MGAT3: variants seen among roughly 807,000 people sequenced by gnomAD.
MGAT3 encodes beta-1,4-mannosyl-glycoprotein 4-beta-N-acetylglucosaminyltransferase.
In MGAT3, 9 loss-of-function variants were observed where a neutral mutation model predicts 29.8. The ratio of observed to expected loss-of-function variants is 0.30; its 90% confidence interval spans 0.18 to 0.53. MGAT3 has a LOEUF of 0.53. Among genes scored for constraint, MGAT3 ranks in the 20% least tolerant of loss-of-function variants. The probability of loss-of-function intolerance (pLI) is 0.96; values close to 1 mark genes in which losing one functional copy is unlikely to be tolerated. For missense variants in MGAT3, 557 were observed against 769.5 expected, an observed-to-expected ratio of 0.72 and a Z score of 3.27; for synonymous variants, 397 against 348.9, an observed-to-expected ratio of 1.14 and a Z score of -1.54.
intron 1 of MGAT3, among the ~76,000 whole-genome samples, chr22:39,482,484 C>G (rs145750985): frequency 8.5e-5 from 13 of 152,304 alleles, no homozygotes; most frequent in Non-Finnish European, 1.5e-4. Flanking sequence ...TAATGATGTC[C>G]TTTGGGGAAA....
chr22:39,469,275 G>A (rs1381632263), intron 1 of MGAT3, among the ~76,000 whole-genome samples: 1 of 152,152 alleles, frequency 6.6e-6, no homozygotes, highest in Non-Finnish European at 1.5e-5. Context: ...TGCCAGGCTT[G>A]AGTCACAGGT....
intron 1 of MGAT3, among the ~76,000 whole-genome samples, chr22:39,462,250 G>A (rs1032394280): frequency 6.6e-6 from 1 of 152,230 alleles, no homozygotes; most frequent in Non-Finnish European, 1.5e-5. Flanking sequence ...GCTCAGGGAA[G>A]CCCACATGCT....
At chr22:39,480,731 C>G (rs1223498469) in intron 1 of MGAT3, among the ~76,000 whole-genome samples, 1 of 152,220 alleles carries the variant, frequency 6.6e-6, no homozygotes, top group East Asian at 1.9e-4. Context: ...AGGGCTAGGC[C>G]CTGCAGAGAC....
intron 1 of MGAT3, among the ~76,000 whole-genome samples, chr22:39,462,082 A>G (rs1928515387): frequency 1.3e-5 from 2 of 151,962 alleles, no homozygotes; most frequent in South Asian, 4.1e-4. Context: ...TTGTATTTTT[A>G]GTAGAGATGG....
intron 1 of MGAT3, among the ~76,000 whole-genome samples, chr22:39,483,927 G>C (rs1002943874): frequency 4.6e-5 from 7 of 152,330 alleles, no homozygotes; most frequent in Middle Eastern, 3.4e-3. Context: ...GCGTTTACTG[G>C]AGGAGGGATA....
chr22:39,460,918 CT>C (rs1178279275), intron 1 of MGAT3, among the ~76,000 whole-genome samples: 1 of 152,108 alleles, frequency 6.6e-6, no homozygotes, highest in Non-Finnish European at 1.5e-5. Flanking sequence ...CGATTCACCC[CT>C]GCCTCCTTGG....
intron 1 of MGAT3, among the ~76,000 whole-genome samples, chr22:39,458,388 A>G (rs1428007116): frequency 6.6e-6 from 1 of 152,124 alleles, no homozygotes; most frequent in Non-Finnish European, 1.5e-5. Flanking sequence ...GGGCAGACAC[A>G]CTACCCCAGT....
At chr22:39,485,520 G>T (rs1489893978) in intron 1 of MGAT3, among the ~76,000 whole-genome samples, 2 of 152,166 alleles carry the variant, frequency 1.3e-5, no homozygotes, top group Non-Finnish European at 2.9e-5. Flanking sequence ...GCCAGGCATG[G>T]TGGCTCATGC....
chr22:39,489,065 GT>G lies in MGAT3; in HGVS notation c.*117del. 2.7e-6 allele frequency: 3 copies of G among 1,119,788 alleles called. No individual in the cohort carries two copies. The highest frequency in any genetic ancestry group is 2.5e-6 in the Non-Finnish European group (2 of 809,928). The allele number at this position is 1,119,788 out of a possible 1,614,324, so 69.4% of individuals were successfully genotyped here. On this transcript the variant is annotated 3_prime_UTR_variant, in exon 2 of 2. Coordinates refer to ENST00000341184, the MANE Select transcript of MGAT3 (RefSeq NM_002409.5). ...TGAGGGGACCAGGAGTGGGTGGGGAGTGGGGGTGGGGGTAGGGTTTCCCTAC... is the reference window on the plus strand; with the variant it reads ...TGAGGGGACCAGGAGTGGGTGGGGAGGGGGGTGGGGGTAGGGTTTCCCTAC...
In MGAT3 at chr22:39,487,837, G is replaced by C. The variant is rs1317461499; in HGVS notation, c.490G>C (p.Ala164Pro). ...CCGGGAGCGCACGGGGGGCCGAGGCGCCCGGCGCAAGTGGGTGGAGTGCGT... is the reference window on the plus strand; with the variant it reads ...CCGGGAGCGCACGGGGGGCCGAGGCCCCCGGCGCAAGTGGGTGGAGTGCGT... ...SARERTGGRGARRKWVECVCL... is the reference protein window; with the variant it reads ...SARERTGGRGPRRKWVECVCL... The change falls in exon 2 of 2, where the codon GCC (alanine) becomes CCC (proline). Residue 164 changes from alanine to proline, a missense_variant. Ala to Pro is a conservative substitution (Grantham distance 27, BLOSUM62 -1). This residue lies in a region of MGAT3 where 212 missense variants were observed against 228.5 expected (regional missense o/e 0.93). Transcript: ENST00000341184. This position sits in a 1 kb window ranked among gnomAD's most constrained non-coding sequence, Gnocchi z 5.7. 14 of 1,511,896 alleles carry C rather than the reference G, an allele frequency of 9.3e-6. No individual in the cohort carries two copies. Among genetic ancestry groups the C allele is most frequent in the Non-Finnish European group, 1.2e-5 (14 of 1,133,886 alleles). The allele number at this position is 1,511,896 out of a possible 1,614,324, so 93.7% of individuals were successfully genotyped here.
chr22:39,487,620 G>A lies in MGAT3; in HGVS notation c.273G>A (p.Glu91=), dbSNP rs752266312. The A allele has an allele frequency of 4.3e-6, 7 of 1,611,786 alleles. No individual in the cohort carries two copies. Among genetic ancestry groups the A allele is most frequent in the African/African-American group, 1.3e-5 (1 of 75,018 alleles). Reference sequence around the variant, plus strand: ...CGCTGCCGCCCAGCAAGGCGGCCGAGGAGCTCCACCGGGTGGACTTGGTGC... The same window carrying A: ...CGCTGCCGCCCAGCAAGGCGGCCGAAGAGCTCCACCGGGTGGACTTGGTGC... ...LQPLPPSKAA[E]ELHRVDLVLP... is the part of the protein sequence containing the mutation. Residue 91 remains glutamate, a synonymous_variant, in exon 2 of 2, where the codon GAG becomes GAA. Coordinates refer to ENST00000341184, the MANE Select transcript of MGAT3 (RefSeq NM_002409.5). The surrounding 1 kb of genome is among the most constrained non-coding windows in gnomAD (Gnocchi z 5.7).
In MGAT3 at chr22:39,488,983, G is replaced by A. The variant is rs899455491; in HGVS notation, c.*34G>A. On this transcript the variant is annotated 3_prime_UTR_variant, in exon 2 of 2. Coordinates refer to ENST00000341184, the MANE Select transcript of MGAT3 (RefSeq NM_002409.5). ...GATCTGATAGGGTTTGTGACAGGGC[G>A]GGGGTGGCGGCGGCCCCTAGCGCTA... 8.3e-6 allele frequency: 13 copies of A among 1,568,734 alleles called. No individual in the cohort carries two copies. In the African/African-American group the frequency reaches 9.5e-5, roughly 11 times the overall value.
chr22:39,471,222 A>G (rs868595985), intron 1 of MGAT3, among the ~76,000 whole-genome samples: 1 of 152,116 alleles, frequency 6.6e-6, no homozygotes, highest in African/African-American at 2.4e-5. Context: ...TCTCTTGTCC[A>G]GATGGTCTGG....
In MGAT3 at chr22:39,487,687, G is replaced by A. The variant is rs761555368; in HGVS notation, c.340G>A (p.Gly114Ser). The A allele has an allele frequency of 2.6e-5, 41 of 1,594,944 alleles. No homozygotes were observed. The Middle Eastern group carries it at 6.7e-4, about 26-fold the overall frequency. ...TTEYFVRTKA[G>S]GVCFKPGTKM... Reference sequence around the variant, plus strand: ...CGAGTATTTCGTGCGCACCAAGGCCGGCGGCGTCTGCTTCAAACCCGGCAC... The same window carrying A: ...CGAGTATTTCGTGCGCACCAAGGCCAGCGGCGTCTGCTTCAAACCCGGCAC... Residue 114 changes from glycine to serine, a missense_variant, in exon 2 of 2, where the codon GGC becomes AGC. This residue lies in a region of MGAT3 where 212 missense variants were observed against 228.5 expected (regional missense o/e 0.93). Transcript: ENST00000341184. The surrounding 1 kb of genome is among the most constrained non-coding windows in gnomAD (Gnocchi z 5.7).
chr22:39,487,407 C>T lies in MGAT3; in HGVS notation c.60C>T (p.Ile20=). The T allele has an allele frequency of 6.2e-7, 1 of 1,613,756 alleles. No individual in the cohort carries two copies. The highest frequency in any genetic ancestry group is 1.3e-5 in the African/African-American group (1 of 75,006). The change falls in exon 2 of 2, where the codon ATC becomes ATT. Residue 20 remains isoleucine, a synonymous_variant. Coordinates refer to ENST00000341184, the MANE Select transcript of MGAT3 (RefSeq NM_002409.5). The surrounding 1 kb of genome is among the most constrained non-coding windows in gnomAD (Gnocchi z 5.7). ...LMFCMAGLCL[I]SFLHFFKTLS... is the part of the protein sequence containing the mutation. ...TCTGTATGGCCGGCCTGTGCCTCAT[C>T]TCCTTCCTGCACTTCTTCAAGACCC...
At chr22:39,458,493 G>A (rs2145705743) in intron 1 of MGAT3, among the ~76,000 whole-genome samples, 1 of 152,236 alleles carries the variant, frequency 6.6e-6, no homozygotes, top group African/African-American at 2.4e-5. Context: ...GTCGTTTGGG[G>A]AGGGGGAGCA....
chr22:39,473,796 A>T lies in MGAT3; in HGVS notation c.-1-13551A>T, dbSNP rs1163615999. Among the ~76,000 whole-genome samples, 4 of 149,336 alleles carry T rather than the reference A, an allele frequency of 2.7e-5. No homozygotes were observed. The East Asian group carries it at 8.0e-4, about 30-fold the overall frequency. ...TTCCGGGTGATCGGGGCTAGGGGAAAATAATGGGGGTGGGGGGATGGAAGT... is the reference window on the plus strand; with the variant it reads ...TTCCGGGTGATCGGGGCTAGGGGAATATAATGGGGGTGGGGGGATGGAAGT... On this transcript the variant is annotated intron_variant, in intron 1 of 1. Coordinates refer to ENST00000341184, the MANE Select transcript of MGAT3 (RefSeq NM_002409.5).
chr22:39,479,953 G>A (rs745572071), intron 1 of MGAT3, among the ~76,000 whole-genome samples: 4 of 152,224 alleles, frequency 2.6e-5, no homozygotes, highest in Non-Finnish European at 4.4e-5. Context: ...GGCTGGGGCC[G>A]TGCATAGTTC....
chr22:39,475,495 C>T (rs1413709413), intron 1 of MGAT3, among the ~76,000 whole-genome samples: 1 of 151,206 alleles, frequency 6.6e-6, no homozygotes, highest in Non-Finnish European at 1.5e-5. Flanking sequence ...TGTCAGGCAG[C>T]CCCCCAGAGC....
Sources: allele counts gnomAD v4.1 joint callset (sites outside exome capture counted in the v4.1 genomes callset), GRCh38; gene constraint gnomAD v4.1.1; regional missense constraint gnomAD v4.1.1; non-coding constraint Gnocchi (gnomAD v3.1); transcripts MANE v1.5; gene names NCBI Gene and HGNC (gene_info 2026-07-23, HGNC 2026-07-21).